ATP2B2: variants seen among roughly 807,000 people sequenced by gnomAD.
ATP2B2 encodes ATPase plasma membrane Ca2+ transporting 2.
In ATP2B2, 15 loss-of-function variants were observed where a neutral mutation model predicts 120.0. The ratio of observed to expected loss-of-function variants is 0.12; its 90% CI spans 0.08 to 0.19. The LOEUF is 0.19. ATP2B2 is among the 10% of genes least tolerant of loss of function. The pLI, the probability that ATP2B2 is intolerant of heterozygous loss-of-function variation, is 1.00. For missense variants in ATP2B2, 1,045 were observed against 1,719.8 expected, an observed-to-expected ratio of 0.61 and a Z score of 6.94; for synonymous variants, 694 against 700.3, an observed-to-expected ratio of 0.99 and a Z score of 0.14.
intron 8 of ATP2B2, 81 bp downstream of exon 8, chr3:10,385,187 A>C: frequency 7.2e-7 from 1 of 1,387,010 alleles, no homozygotes; most frequent in Non-Finnish European, 1.0e-6. Context: ...AGTCCAGAAC[A>C]AGGAAAGAAA....
At chr3:10,606,924 G>C (rs1457238356) in intron 2 of ATP2B2, among the ~76,000 whole-genome samples, 1,580 of 87,412 alleles carry the variant, frequency 0.018, 32 homozygotes, top group East Asian at 0.17. Context: ...GAGAGAGAGA[G>C]AGAGAGAGAG....
chr3:10,693,994 A>G (rs1462023238), intron 1 of ATP2B2, among the ~76,000 whole-genome samples: 1 of 152,228 alleles, frequency 6.6e-6, no homozygotes, highest in Non-Finnish European at 1.5e-5. Flanking sequence ...TTTATTTGGA[A>G]GTAAAGGTTC....
In ATP2B2 at chr3:10,360,024, C is replaced by T. The variant is rs759927011; in HGVS notation, c.1759G>A (p.Val587Met). The T allele has an allele frequency of 2.4e-5, 39 of 1,614,068 alleles. No individual in the cohort carries two copies. The highest frequency in any genetic ancestry group is 1.2e-4 in the Admixed American group (7 of 60,010). ...VLDLKQDYEP[V>M]RSQMPEEKLY... ...TTCTCCTCTGGCATCTGGCTGCGCACGGGCTCGTAGTCCTGCTTCAGGTCC... is the reference window on the plus strand; with the variant it reads ...TTCTCCTCTGGCATCTGGCTGCGCATGGGCTCGTAGTCCTGCTTCAGGTCC... Residue 587 changes from valine (V) to methionine (M), a missense_variant, in exon 13 of 23, where the codon GTG becomes ATG. Val to Met is a conservative substitution (Grantham distance 21, BLOSUM62 1). This residue lies in a region of ATP2B2 where 343 missense variants were observed against 536.8 expected (regional missense o/e 0.64). Transcript: ENST00000360273.
chr3:10,506,761 G>A (rs371546395), upstream of ATP2B2, among the ~76,000 whole-genome samples: 4 of 152,170 alleles, frequency 2.6e-5, no homozygotes, highest in Non-Finnish European at 5.9e-5. Flanking sequence ...CAGGGCTGGA[G>A]GCGGCCCCGG....
chr3:10,460,241 G>A (rs1037786329), intron 1 of ATP2B2, among the ~76,000 whole-genome samples: 3 of 152,226 alleles, frequency 2.0e-5, no homozygotes, highest in African/African-American at 7.2e-5. Flanking sequence ...CTGGGAGTGA[G>A]AACTGCCCAC....
chr3:10,457,885 A>G (rs904339678), intron 1 of ATP2B2, among the ~76,000 whole-genome samples: 3 of 152,142 alleles, frequency 2.0e-5, no homozygotes, highest in African/African-American at 7.2e-5. Context: ...AGGGGCAGGC[A>G]GTGAGAGGGA....
chr3:10,388,268 TA>T lies in ATP2B2; in HGVS notation c.907+8del. The T allele has an allele frequency of 6.2e-7, 1 of 1,614,142 alleles. No homozygotes were observed. On this transcript the variant is annotated splice_region_variant and intron_variant, in intron 6 of 22. Coordinates refer to ENST00000360273, the MANE Select transcript of ATP2B2 (RefSeq NM_001001331.4). Reference sequence around the variant, plus strand: ...CTCCTCTCCTGGTCTGCAAGGGGATTAGGCTTACCTTTTTTGTCTTTCTTCT... The same window carrying T: ...CTCCTCTCCTGGTCTGCAAGGGGATTGGCTTACCTTTTTTGTCTTTCTTCT...
chr3:10,688,805 C>T (rs778325652), intron 1 of ATP2B2, among the ~76,000 whole-genome samples: 6 of 152,196 alleles, frequency 3.9e-5, no homozygotes, highest in African/African-American at 7.2e-5. Flanking sequence ...TGGAATTCCT[C>T]GCTTGACTGA....
intron 2 of ATP2B2, among the ~76,000 whole-genome samples, chr3:10,444,567 A>C (rs1292883379): frequency 6.6e-6 from 1 of 152,350 alleles, no homozygotes; most frequent in Non-Finnish European, 1.5e-5. Context: ...AGCACTCTGC[A>C]GTATCCAGTT....
At chr3:10,699,751 T>C (rs973932621) in intron 1 of ATP2B2, among the ~76,000 whole-genome samples, 1 of 152,190 alleles carries the variant, frequency 6.6e-6, no homozygotes, top group Non-Finnish European at 1.5e-5. Context: ...AATGAATTAA[T>C]GTTTTTATCT....
intron 2 of ATP2B2, among the ~76,000 whole-genome samples, chr3:10,413,665 C>T (rs1245051639): frequency 6.6e-6 from 1 of 152,196 alleles, no homozygotes; most frequent in Non-Finnish European, 1.5e-5. Flanking sequence ...AGCACGATTC[C>T]AGGAACCGCA....
At chr3:10,610,251 A>G (rs1368512536) in intron 2 of ATP2B2, among the ~76,000 whole-genome samples, 4 of 151,454 alleles carry the variant, frequency 2.6e-5, no homozygotes, top group African/African-American at 9.7e-5. Flanking sequence ...TGATGATCAC[A>G]TTCCTTGAAG....
chr3:10,594,889 G>A (rs2068729440), intron 2 of ATP2B2, among the ~76,000 whole-genome samples: 1 of 152,216 alleles, frequency 6.6e-6, no homozygotes, highest in Non-Finnish European at 1.5e-5. Flanking sequence ...GGCGTAAGCG[G>A]TTAAGGTCAC....
chr3:10,545,815 T>C (rs948964147), intron 2 of ATP2B2, among the ~76,000 whole-genome samples: 49 of 152,154 alleles, frequency 3.2e-4, no homozygotes, highest in African/African-American at 1.2e-3. Context: ...TGAGGAGTCA[T>C]AGGATAGAAT....
intron 1 of ATP2B2, among the ~76,000 whole-genome samples, chr3:10,666,304 C>A (rs1234389442): frequency 1.3e-5 from 2 of 152,170 alleles, no homozygotes; most frequent in African/African-American, 4.8e-5. Context: ...GCAACTGTTT[C>A]CTTCGGGGGT....
chr3:10,610,883 A>C (rs4684722), intron 2 of ATP2B2, among the ~76,000 whole-genome samples: 134,995 of 151,924 alleles, frequency 0.89, 60,019 homozygotes, highest in Middle Eastern at 0.96. Flanking sequence ...GCATGCCAAG[A>C]GACTGTGTCA....
At position 10,642,494 on chromosome 3, in the gene ATP2B2, C is replaced by A. The variant is rs148945709; in HGVS notation, c.-459-22533G>T. 6.0e-3 allele frequency among the ~76,000 whole-genome samples: 915 copies of A among 152,212 alleles called. 8 individuals are homozygous for A. Among genetic ancestry groups the A allele is most frequent in the African/African-American group, 0.021 (869 of 41,516 alleles). On this transcript the variant is annotated intron_variant, in intron 1 of 21. Transcript: ENST00000646379. ...GCAACCAGATAACTTTACAATCTCA[C>A]CCTGTAGAACAAAAAAGTCACTGTG...
rs2065609045 is a variant in ATP2B2 at position 10,485,499 on chromosome 3, G to A, written c.-320+19966C>T. 3.3e-5 allele frequency among the ~76,000 whole-genome samples: 5 copies of A among 152,204 alleles called. No homozygotes were observed. The South Asian group carries it at 8.3e-4, about 25-fold the overall frequency. ...AGCCTCCTCTCGCCTTGGCAGTCCC[G>A]CAGCAGGCTCCTCTCCTGCGCCCGC... On this transcript the variant is annotated intron_variant, in intron 1 of 22. Transcript: ENST00000360273.
chr3:10,535,544 C>T (rs1255842995), intron 2 of ATP2B2, among the ~76,000 whole-genome samples: 3 of 152,164 alleles, frequency 2.0e-5, no homozygotes, highest in Non-Finnish European at 4.4e-5. Flanking sequence ...CATCCCTAAC[C>T]CCTGGCAACC....
Sources: gnomAD v4.1 joint callset for allele counts (sites outside exome capture counted in the v4.1 genomes callset) on GRCh38, gnomAD v4.1.1 for gene constraint, gnomAD v4.1.1 regional missense constraint, MANE v1.5 for transcripts, NCBI Gene and HGNC (gene_info 2026-07-23, HGNC 2026-07-21) for gene names.